CLASP1: variants seen among roughly 807,000 people sequenced by gnomAD.
CLASP1 encodes the protein cytoplasmic linker associated protein 1.
A neutral mutation model predicts 192.3 loss-of-function variants in CLASP1; 38 were observed. That is an observed-to-expected ratio of 0.20 (90% CI 0.15 to 0.26). The LOEUF is 0.26. Among genes scored for constraint, CLASP1 ranks in the 10% least tolerant of loss-of-function variants. The pLI, the probability that CLASP1 is intolerant of heterozygous loss-of-function variation, is 1.00. For missense variants in CLASP1, 1,433 were observed against 1,932.5 expected, an observed-to-expected ratio of 0.74 and a Z score of 4.85; for synonymous variants, 691 against 712.8, an observed-to-expected ratio of 0.97 and a Z score of 0.49.
intron 1 of CLASP1, among the ~76,000 whole-genome samples, chr2:121,636,338 A>AAATAAT (rs58688393): frequency 0.072 from 9,980 of 138,070 alleles, 605 homozygotes; most frequent in African/African-American, 0.16. Context: ...TCCATTTCAA[A>AAATAAT]AATAATAATA....
At chr2:121,448,144 G>A in intron 18 of CLASP1, 132 bp downstream of exon 18, 1 of 745,384 alleles carries the variant, frequency 1.3e-6, no homozygotes. Flanking sequence ...GCAGGGCAGA[G>A]CAGGCAACAT....
chr2:121,636,215 A>T (rs887577737), intron 1 of CLASP1, among the ~76,000 whole-genome samples: 3 of 151,850 alleles, frequency 2.0e-5, no homozygotes, highest in Admixed American at 6.6e-5. Context: ...AGGCGCCTGT[A>T]ATCCCAGCTA....
chr2:121,365,213 C>T, exon 36 of CLASP1: 1 of 1,613,824 alleles, frequency 6.2e-7, no homozygotes, highest in Non-Finnish European at 8.5e-7. Flanking sequence ...CCCTTCCGTT[C>T]CTCCACTCGC....
intron 2 of CLASP1, chr2:121,531,138 G>A (rs914868193): frequency 1.6e-5 from 10 of 612,392 alleles, no homozygotes; most frequent in Non-Finnish European, 2.4e-5. Context: ...AGTTCTTTCA[G>A]TTTTTGCGGT....
At chr2:121,544,111 ACC>A (rs1559570286) in intron 2 of CLASP1, among the ~76,000 whole-genome samples, 1 of 152,182 alleles carries the variant, frequency 6.6e-6, no homozygotes, top group Non-Finnish European at 1.5e-5. Flanking sequence ...TTATAATGAC[ACC>A]CAAGTCAAAT....
chr2:121,488,235 T>C (rs1157730688), intron 8 of CLASP1, among the ~76,000 whole-genome samples: 3 of 152,184 alleles, frequency 2.0e-5, no homozygotes, highest in African/African-American at 7.2e-5. Flanking sequence ...CACAAAAAGA[T>C]CAACTATATT....
chr2:121,524,144 T>A (rs919455497), intron 6 of CLASP1, among the ~76,000 whole-genome samples: 6 of 152,188 alleles, frequency 3.9e-5, no homozygotes, highest in Admixed American at 1.3e-4. Flanking sequence ...AACATTCACA[T>A]CACCTGTCTG....
chr2:121,633,429 T>C (rs1382858041), intron 1 of CLASP1, among the ~76,000 whole-genome samples: 1 of 140,308 alleles, frequency 7.1e-6, no homozygotes, highest in Non-Finnish European at 1.5e-5. Context: ...AAAAGAACAA[T>C]GTCTAACCCC....
chr2:121,400,294 A>C (rs573165506), intron 28 of CLASP1, among the ~76,000 whole-genome samples: 1 of 152,332 alleles, frequency 6.6e-6, no homozygotes, highest in South Asian at 2.1e-4. Flanking sequence ...CAGAAGGGTA[A>C]TCGCTCTGGA....
In CLASP1 at chr2:121,553,658, G is replaced by A. The variant is rs556082406; in HGVS notation, c.196-23333C>T. 9.2e-5 allele frequency among the ~76,000 whole-genome samples: 14 copies of A among 152,052 alleles called. No homozygotes were observed. In the East Asian group the frequency reaches 1.2e-3, roughly 13 times the overall value. Reference sequence around the variant, plus strand: ...AGAGGCTGCAGTGAGCCAAGATCGCGTCACTACACTCCAGCCTGGTGACAG... The same window carrying A: ...AGAGGCTGCAGTGAGCCAAGATCGCATCACTACACTCCAGCCTGGTGACAG... On this transcript the variant is annotated intron_variant, in intron 2 of 39. Coordinates refer to ENST00000263710, the Ensembl canonical transcript of CLASP1.
chr2:121,530,099 G>A (rs1173313930), intron 3 of CLASP1, 148 bp downstream of exon 3: 36 of 650,672 alleles, frequency 5.5e-5, no homozygotes, highest in Non-Finnish European at 8.7e-5. Flanking sequence ...GGAGGGCGGG[G>A]ACTGGCTGTT....
chr2:121,348,215 T>C (rs1299613115), intron 38 of CLASP1, among the ~76,000 whole-genome samples: 4 of 152,138 alleles, frequency 2.6e-5, no homozygotes, highest in Non-Finnish European at 5.9e-5. Context: ...ACAGCAGGTG[T>C]GCAATAAGGG....
chr2:121,605,243 A>G (rs1307287509), intron 2 of CLASP1, among the ~76,000 whole-genome samples: 2 of 151,474 alleles, frequency 1.3e-5, no homozygotes. Context: ...ATTTCTGTCC[A>G]GGTACCTGGG....
At chr2:121,447,389 C>T (rs537126640) in exon 19 of CLASP1, 5 of 1,583,458 alleles carry the variant, frequency 3.2e-6, no homozygotes, top group South Asian at 2.3e-5. Context: ...TGAAAGGCGT[C>T]GTGCCCGAAG....
intron 22 of CLASP1, among the ~76,000 whole-genome samples, chr2:121,424,822 T>C (rs981295255): frequency 2.0e-5 from 3 of 152,108 alleles, no homozygotes; most frequent in Non-Finnish European, 2.9e-5. Context: ...AAAAGGAAAA[T>C]GAAAAGCAAC....
At chr2:121,639,440 G>A (rs146780622) in intron 1 of CLASP1, among the ~76,000 whole-genome samples, 1 of 152,218 alleles carries the variant, frequency 6.6e-6, no homozygotes, top group Non-Finnish European at 1.5e-5. Context: ...GGAGACAGAG[G>A]AATGGGGAGT....
chr2:121,497,817 T>C (rs986056589), intron 8 of CLASP1, among the ~76,000 whole-genome samples: 1 of 152,112 alleles, frequency 6.6e-6, no homozygotes, highest in African/African-American at 2.4e-5. Flanking sequence ...CCTCCCAGGT[T>C]CAAGCGATTC....
chr2:121,531,134 T>C (rs1276309313), intron 2 of CLASP1: 9 of 618,834 alleles, frequency 1.5e-5, no homozygotes, highest in African/African-American at 9.1e-5. Context: ...GTAAAGTTCT[T>C]TCAGTTTTTG....
chr2:121,360,052 T>C (rs933737231), intron 37 of CLASP1, among the ~76,000 whole-genome samples: 28 of 152,212 alleles, frequency 1.8e-4, no homozygotes, highest in African/African-American at 5.3e-4. Flanking sequence ...TTTACAGAAA[T>C]TGTATTTCAA....
Sources: gnomAD v4.1 joint callset for allele counts (sites outside exome capture counted in the v4.1 genomes callset) on GRCh38, gnomAD v4.1.1 for gene constraint, MANE v1.5 for transcripts, NCBI Gene and HGNC (gene_info 2026-07-23, HGNC 2026-07-21) for gene names.